Variants in FAM90A20 observed in about 807,000 individuals in gnomAD.
FAM90A20 encodes the protein protein FAM90A20.
the FAM90A20 span, chr8:7,297,118 T>G: frequency 6.6e-7 from 1 of 1,506,798 alleles, no homozygotes; most frequent in South Asian, 1.1e-5. Context: ...GCATGGACCC[T>G]GTCCTCTCTG....
chr8:7,296,434 C>G, the FAM90A20 span: 1 of 718,838 alleles, frequency 1.4e-6, no homozygotes, highest in South Asian at 1.4e-5. Context: ...CTTTTATCCT[C>G]TAGGTAACCC....
chr8:7,295,730 A>C, the FAM90A20 span: 1 of 1,043,300 alleles, frequency 9.6e-7, no homozygotes, highest in Non-Finnish European at 1.4e-6. Flanking sequence ...GACCTTGGGG[A>C]AAAAGGAAGG....
chr8:7,297,405 A>C, the FAM90A20 span: 1 of 1,545,220 alleles, frequency 6.5e-7, no homozygotes, highest in East Asian at 2.2e-5. Context: ...ACCCAGGCAC[A>C]AGACAAACGT....
the FAM90A20 span, chr8:7,296,272 C>G: frequency 2.8e-6 from 2 of 719,354 alleles, 1 homozygote; most frequent in African/African-American, 5.2e-5. Flanking sequence ...ACGGCCTGAC[C>G]TTTTTCTGTT....
At chr8:7,297,414 G>C in the FAM90A20 span, 9 of 1,550,506 alleles carry the variant, frequency 5.8e-6, 2 homozygotes, top group Admixed American at 5.1e-5. Flanking sequence ...CAAGACAAAC[G>C]TCCTGCGGTG....
chr8:7,297,609 C>A, the FAM90A20 span: 5 of 1,449,374 alleles, frequency 3.4e-6, 1 homozygote, highest in African/African-American at 4.2e-5. Context: ...GAGCTGGGGG[C>A]CCCGGAGAAT....
the FAM90A20 span, chr8:7,297,000 T>C: frequency 3.6e-6 from 5 of 1,379,782 alleles, no homozygotes; most frequent in Admixed American, 1.0e-4. Flanking sequence ...TTGGATGTGT[T>C]TGATTTTCAT....
chr8:7,295,792 C>T, the FAM90A20 span: 6 of 1,204,166 alleles, frequency 5.0e-6, 2 homozygotes, highest in Admixed American at 8.8e-5. Flanking sequence ...ACCCGGGGCC[C>T]TTGAACAAGG....
At chr8:7,296,570 A>C in the FAM90A20 span, among the ~76,000 whole-genome samples, 1 of 135,666 alleles carries the variant, frequency 7.4e-6, no homozygotes, top group Admixed American at 6.9e-5. Flanking sequence ...AGTCATCTGA[A>C]GATGCCGTAT....
At chr8:7,296,109 C>A in the FAM90A20 span, among the ~76,000 whole-genome samples, 2 of 130,732 alleles carry the variant, frequency 1.5e-5, no homozygotes, top group Admixed American at 1.4e-4. Flanking sequence ...GTTGGGAAGC[C>A]TAGAGGGCCA....
At chr8:7,297,261 C>T in the FAM90A20 span, 2 of 1,425,662 alleles carry the variant, frequency 1.4e-6, no homozygotes, top group East Asian at 2.3e-5. Flanking sequence ...GCCGACATCC[C>T]TCGGCCTGCA....
chr8:7,296,165 G>A, the FAM90A20 span: 1 of 635,832 alleles, frequency 1.6e-6, no homozygotes, highest in Non-Finnish European at 2.8e-6. Flanking sequence ...TGCAGAGGCG[G>A]AAAGGGCACC....
chr8:7,297,250 C>T, the FAM90A20 span: 37 of 1,456,530 alleles, frequency 2.5e-5, 2 homozygotes, highest in African/African-American at 4.1e-5. Flanking sequence ...CAGGGGCTGC[C>T]GCCGACATCC....
chr8:7,296,662 GAGGCCGCAAACGTGGAGAAGGCTAA>G, the FAM90A20 span, among the ~76,000 whole-genome samples: 2 of 135,244 alleles, frequency 1.5e-5, 1 homozygote, highest in Non-Finnish European at 3.0e-5. Context: ...TAGTCCCTCA[GAGGCCGCAAACGTGGAGAAGGCTAA>G]ACCCAGGAAC....
chr8:7,296,424 C>G, the FAM90A20 span: 1 of 725,914 alleles, frequency 1.4e-6, no homozygotes, highest in South Asian at 1.4e-5. Flanking sequence ...GCCCCTGGTC[C>G]TTTTATCCTC....
At chr8:7,296,746 T>C in the FAM90A20 span, among the ~76,000 whole-genome samples, 1 of 135,854 alleles carries the variant, frequency 7.4e-6, no homozygotes. Flanking sequence ...GCCACCAACC[T>C]GCCTTCGGAA....
chr8:7,295,684 C>T, the FAM90A20 span: 2 of 723,198 alleles, frequency 2.8e-6, no homozygotes, highest in East Asian at 2.6e-5. Flanking sequence ...GTACCAGGTG[C>T]CCCATGAAGT....
chr8:7,295,579 G>C, the FAM90A20 span: 6 of 664,708 alleles, frequency 9.0e-6, no homozygotes, highest in African/African-American at 3.2e-5. Flanking sequence ...ACGTGGGATC[G>C]CTGCCTGTGG....
At chr8:7,296,949 C>A in the FAM90A20 span, 7 of 940,166 alleles carry the variant, frequency 7.4e-6, no homozygotes, top group South Asian at 1.5e-5. Context: ...GACCGCCTGT[C>A]GATACTGTAC....
Sources: gnomAD v4.1 joint callset for allele counts (sites outside exome capture counted in the v4.1 genomes callset) on GRCh38, gnomAD v4.1.1 for gene constraint, MANE v1.5 for transcripts, NCBI Gene and HGNC (gene_info 2026-07-23, HGNC 2026-07-21) for gene names.